Variants in CASS4 observed in about 807,000 individuals in gnomAD.
CASS4 encodes cas scaffolding protein family member 4.
Under a neutral mutation model 54.2 loss-of-function variants are expected in CASS4, and 22 were observed. That is an observed-to-expected ratio of 0.41 (90% CI 0.29 to 0.58). The LOEUF is 0.58. Among genes scored for constraint, CASS4 ranks in the 20% least tolerant of loss-of-function variants. The pLI is 0.36. For missense variants in CASS4, 854 were observed against 986.7 expected, an observed-to-expected ratio of 0.87 and a Z score of 1.80; for synonymous variants, 409 against 391.5, an observed-to-expected ratio of 1.04 and a Z score of -0.53.
chr20:56,425,548 G>C (rs1178372300), intron 1 of CASS4, among the ~76,000 whole-genome samples: 2 of 152,206 alleles, frequency 1.3e-5, no homozygotes, highest in Non-Finnish European at 2.9e-5. Context: ...AAGTCTTCCT[G>C]CATGTGGCAA....
chr20:56,432,352 G>A (rs1381400174), intron 1 of CASS4, among the ~76,000 whole-genome samples: 4 of 133,100 alleles, frequency 3.0e-5, no homozygotes, highest in Admixed American at 7.5e-5. Flanking sequence ...AGTTTCATAA[G>A]TCCTTTTTTT....
At chr20:56,444,438 T>C (rs1302941110) in intron 2 of CASS4, among the ~76,000 whole-genome samples, 1 of 152,202 alleles carries the variant, frequency 6.6e-6, no homozygotes, top group Admixed American at 6.5e-5. Flanking sequence ...CCAGGCCCTG[T>C]CTTGCTTACC....
Position 56,452,956 on chromosome 20 carries a change from A to C in CASS4, c.1780A>C (p.Lys594Gln). ...GRLLFKRNCE[K>Q]EETVQLTPNA... ...GCTCCTTTTTAAGCGGAACTGTGAA[A>C]AGGAAGAGACTGTGCAGTTGACCCC... The change falls in exon 5 of 6, where the codon AAG becomes CAG. Residue 594 changes from lysine to glutamine, a missense_variant. Transcript: ENST00000679887. 6.2e-7 allele frequency: 1 copy of C among 1,614,104 alleles called. No individual in the cohort carries two copies. Among genetic ancestry groups the C allele is most frequent in the Non-Finnish European group, 8.5e-7 (1 of 1,180,024 alleles).
chr20:56,412,423 C>T lies in CASS4; in HGVS notation c.-36C>T, dbSNP rs145646754. ...CTGCCTCTGAAGCTGGAGATACTAG[C>T]TGCAGAGCTCAGGGGAGCTGCTCCA... On this transcript the variant is annotated 5_prime_UTR_variant, in exon 1 of 6. Transcript: ENST00000679887. The surrounding 1 kb of genome is among the most constrained non-coding windows in gnomAD (Gnocchi z 4.2). The T allele has an allele frequency of 1.5e-5, 24 of 1,609,660 alleles. No individual in the cohort carries two copies. The East Asian group carries it at 4.9e-4, about 33-fold the overall frequency.
chr20:56,458,244 TAA>T, intron 5 of CASS4, 94 bp from the exon 6 acceptor site: 1 of 1,249,766 alleles, frequency 8.0e-7, no homozygotes, highest in East Asian at 2.4e-5. Context: ...TTAAAAAAAA[TAA>T]AAAGTCTTGC....
intron 5 of CASS4, among the ~76,000 whole-genome samples, chr20:56,457,579 G>T (rs1981360028): frequency 6.6e-6 from 1 of 152,132 alleles, no homozygotes; most frequent in African/African-American, 2.4e-5. Context: ...ATAGGTCAGG[G>T]TATTTAGTTG....
At chr20:56,420,503 C>T (rs1329810976) in intron 1 of CASS4, among the ~76,000 whole-genome samples, 2 of 152,038 alleles carry the variant, frequency 1.3e-5, no homozygotes, top group Non-Finnish European at 2.9e-5. Context: ...ATCCTCCTGC[C>T]TCAGCCTCCC....
chr20:56,418,061 G>A lies in CASS4; in HGVS notation c.36+5567G>A, dbSNP rs187673129. On this transcript the variant is annotated intron_variant, in intron 1 of 5. Transcript: ENST00000679887. ...CCATTCACCCAATGCATAGTTATTGGGCTCCGGGGGTTCAGGGTGATCAAG... is the reference window on the plus strand; with the variant it reads ...CCATTCACCCAATGCATAGTTATTGAGCTCCGGGGGTTCAGGGTGATCAAG... Among the ~76,000 whole-genome samples the A allele has an allele frequency of 2.0e-4, 31 of 152,284 alleles. No individual in the cohort carries two copies. The East Asian group carries it at 3.5e-3, about 17-fold the overall frequency.
rs745625249 is a variant in CASS4 at position 56,452,055 on chromosome 20, A to G, written c.879A>G (p.Gln293=). ...PSGRSRSLTP[Q]LNNNVPMQKK... ...GCAGATCCAGGTCCCTCACTCCACAACTGAATAACAATGTGCCCATGCAGA... is the reference window on the plus strand; with the variant it reads ...GCAGATCCAGGTCCCTCACTCCACAGCTGAATAACAATGTGCCCATGCAGA... The change falls in exon 5 of 6, where the codon CAA becomes CAG. Residue 293 remains glutamine, a synonymous_variant. Coordinates refer to ENST00000679887, the MANE Select transcript of CASS4 (RefSeq NM_020356.4). 4 of 1,614,168 alleles carry G rather than the reference A, an allele frequency of 2.5e-6. No individual in the cohort carries two copies. In the South Asian group the frequency reaches 4.4e-5, roughly 18 times the overall value.
intron 2 of CASS4, among the ~76,000 whole-genome samples, chr20:56,440,792 A>G (rs777964506): frequency 1.7e-4 from 26 of 152,186 alleles, no homozygotes; most frequent in Non-Finnish European, 2.6e-4. Context: ...AGGCTGTGGC[A>G]AACAACAGAA....
At position 56,447,037 on chromosome 20, in the gene CASS4, G is replaced by A. The variant is rs1167607116; in HGVS notation, c.561+1036G>A. ...AGCCCAGCCAACATGGTGAAACCCC[G>A]TCTCTCCTAAAAATACAAAAATTAG... On this transcript the variant is annotated intron_variant, in intron 3 of 5. Coordinates refer to ENST00000679887, the MANE Select transcript of CASS4 (RefSeq NM_020356.4). Among the ~76,000 whole-genome samples, 11 of 151,794 alleles carry A rather than the reference G, an allele frequency of 7.2e-5. No individual in the cohort carries two copies. In the East Asian group the frequency reaches 7.7e-4, roughly 11 times the overall value.
chr20:56,442,132 A>G (rs936223666), intron 2 of CASS4, among the ~76,000 whole-genome samples: 6 of 151,154 alleles, frequency 4.0e-5, no homozygotes, highest in African/African-American at 1.2e-4. Context: ...CACTTCACGG[A>G]CTCCTTTCTA....
chr20:56,418,992 G>A lies in CASS4; in HGVS notation c.36+6498G>A, dbSNP rs543145017. Among the ~76,000 whole-genome samples, 297 of 152,156 alleles carry A rather than the reference G, an allele frequency of 2.0e-3. 1 individual carries two copies. Among genetic ancestry groups the A allele is most frequent in the Admixed American group, 3.4e-3 (52 of 15,284 alleles). On this transcript the variant is annotated intron_variant, in intron 1 of 5. Coordinates refer to ENST00000679887, the MANE Select transcript of CASS4 (RefSeq NM_020356.4). ...GTCTTTGAACATTTTATTTCCTATAGAGCACACTTGGGGGGAAAAAAAGCT... is the reference window on the plus strand; with the variant it reads ...GTCTTTGAACATTTTATTTCCTATAAAGCACACTTGGGGGGAAAAAAAGCT...
At chr20:56,446,086 C>A in intron 3 of CASS4, 85 bp downstream of exon 3, 1 of 878,440 alleles carries the variant, frequency 1.1e-6, no homozygotes, top group Non-Finnish European at 1.8e-6. Context: ...CATTGCATTT[C>A]AGCATTACCA....
In CASS4 at chr20:56,451,863, C is replaced by T. The variant is rs769816537; in HGVS notation, c.687C>T (p.Gly229=). The T allele has an allele frequency of 2.5e-6, 4 of 1,611,738 alleles. No individual in the cohort carries two copies. Among genetic ancestry groups the T allele is most frequent in the Admixed American group, 1.7e-5 (1 of 60,002 alleles). The change falls in exon 5 of 6, where the codon GGC becomes GGT. Residue 229 remains glycine, a synonymous_variant. Coordinates refer to ENST00000679887, the MANE Select transcript of CASS4 (RefSeq NM_020356.4). ...PLISVTTLRR[G]GYSTLPNPQK... ...TATCAGTGACTACCTTAAGAAGAGG[C>T]GGTTACAGCACATTACCAAATCCTC...
At chr20:56,446,472 C>A (rs1980716959) in intron 3 of CASS4, among the ~76,000 whole-genome samples, 1 of 151,974 alleles carries the variant, frequency 6.6e-6, no homozygotes, top group Non-Finnish European at 1.5e-5. Context: ...AGGATATGCA[C>A]CACAGTCTTA....
chr20:56,431,866 A>AT (rs1979922483), intron 1 of CASS4, among the ~76,000 whole-genome samples: 1 of 152,244 alleles, frequency 6.6e-6, no homozygotes, highest in African/African-American at 2.4e-5. Flanking sequence ...TTACGATGAA[A>AT]TATACCATAA....
At chr20:56,445,406 T>G (rs1980656254) in intron 2 of CASS4, among the ~76,000 whole-genome samples, 1 of 152,094 alleles carries the variant, frequency 6.6e-6, no homozygotes, top group Non-Finnish European at 1.5e-5. Context: ...TCCCAGACCT[T>G]GTTGGTCCCT....
At chr20:56,416,246 C>T (rs776727889) in intron 1 of CASS4, among the ~76,000 whole-genome samples, 1 of 152,164 alleles carries the variant, frequency 6.6e-6, no homozygotes, top group Non-Finnish European at 1.5e-5. Context: ...GACGGGTTTT[C>T]ACCATATTGG....
Sources: gnomAD v4.1 joint callset for allele counts (sites outside exome capture counted in the v4.1 genomes callset) on GRCh38, gnomAD v4.1.1 for gene constraint, Gnocchi (gnomAD v3.1) non-coding constraint, MANE v1.5 for transcripts, NCBI Gene and HGNC (gene_info 2026-07-23, HGNC 2026-07-21) for gene names.